ASAP1: variants seen among roughly 807,000 people sequenced by gnomAD.
ASAP1 encodes the protein arf-GAP with SH3 domain, ANK repeat and PH domain-containing protein 1.
In ASAP1, 43 loss-of-function variants were observed where a neutral mutation model predicts 145.2. That is an observed-to-expected ratio of 0.30 (90% CI 0.23 to 0.38). ASAP1 has a LOEUF of 0.38. Ranked by LOEUF, ASAP1 falls within the 10% of genes least tolerant of loss-of-function variation. The pLI is 1.00. For synonymous variants in ASAP1, 546 were observed against 515.5 expected (o/e 1.06, Z -0.80); for missense variants, 1,018 against 1,355.3 (o/e 0.75, Z 3.91).
chr8:130,288,402 C>CT (rs1180919198), intron 3 of ASAP1, among the ~76,000 whole-genome samples: 2 of 151,812 alleles, frequency 1.3e-5, no homozygotes, highest in African/African-American at 4.8e-5. Context: ...AAGAGGATAT[C>CT]TTTGAGAATA....
At chr8:130,178,771 C>T (rs1814142476) in intron 9 of ASAP1, among the ~76,000 whole-genome samples, 1 of 152,130 alleles carries the variant, frequency 6.6e-6, no homozygotes, top group South Asian at 2.1e-4. Context: ...CGCCTGTCAT[C>T]CCAACTACTG....
chr8:130,225,944 T>A (rs1321342824), intron 4 of ASAP1, among the ~76,000 whole-genome samples: 2 of 152,110 alleles, frequency 1.3e-5, no homozygotes, highest in East Asian at 3.9e-4. Flanking sequence ...CGCGGCATGG[T>A]CATAGCTTGC....
chr8:130,187,118 T>G, intron 7 of ASAP1, 118 bp downstream of exon 7: 1 of 838,062 alleles, frequency 1.2e-6, no homozygotes. Flanking sequence ...CAGGTTTTTG[T>G]TGAGAAGTTA....
intron 5 of ASAP1, among the ~76,000 whole-genome samples, chr8:130,213,823 A>T (rs183894199): frequency 8.3e-4 from 126 of 152,256 alleles, no homozygotes; most frequent in Admixed American, 1.6e-3. Context: ...GTTACCCAGA[A>T]CCTTTCTAAG....
chr8:130,229,067 TCCTCTATCAA>T (rs1475504229), intron 4 of ASAP1, among the ~76,000 whole-genome samples: 2 of 152,164 alleles, frequency 1.3e-5, no homozygotes, highest in Admixed American at 6.5e-5. Context: ...AGCAAAGTCA[TCCTCTATCAA>T]CCTCTAAATG....
chr8:130,116,118 T>C (rs1479171236), intron 22 of ASAP1, among the ~76,000 whole-genome samples: 5 of 152,202 alleles, frequency 3.3e-5, no homozygotes, highest in Non-Finnish European at 7.3e-5. Flanking sequence ...GCAGGGATAA[T>C]TGTCTCAAAG....
At chr8:130,360,964 C>T (rs191955758) in intron 2 of ASAP1, 1 of 152,890 alleles carries the variant, frequency 6.5e-6, no homozygotes, top group Non-Finnish European at 1.5e-5. Context: ...TAATTAAGCT[C>T]TCTGAGACTC....
intron 3 of ASAP1, among the ~76,000 whole-genome samples, chr8:130,300,113 TACACACACAC>T (rs373589102): frequency 0.048 from 3,528 of 72,878 alleles, 101 homozygotes; most frequent in Middle Eastern, 0.077. Context: ...AAAAGAAAAA[TACACACACAC>T]ACACACACAC....
At chr8:130,149,132 G>A (rs1286438356) in intron 13 of ASAP1, among the ~76,000 whole-genome samples, 2 of 149,762 alleles carry the variant, frequency 1.3e-5, no homozygotes, top group Non-Finnish European at 3.0e-5. Context: ...GCGGATTACA[G>A]GCATGAGCCA....
intron 2 of ASAP1, among the ~76,000 whole-genome samples, chr8:130,392,685 G>A (rs557795214): frequency 1.3e-5 from 2 of 152,294 alleles, no homozygotes; most frequent in South Asian, 4.2e-4. Flanking sequence ...TCTTGGTTCT[G>A]CAGGTTGCAC....
At chr8:130,392,785 TG>T (rs1335226015) in intron 2 of ASAP1, among the ~76,000 whole-genome samples, 1 of 150,626 alleles carries the variant, frequency 6.6e-6, no homozygotes, top group Non-Finnish European at 1.5e-5. Flanking sequence ...AGAGATCAGA[TG>T]GTGAGAGAAG....
chr8:130,110,901 G>A (rs372800715), intron 24 of ASAP1, among the ~76,000 whole-genome samples: 70 of 152,226 alleles, frequency 4.6e-4, no homozygotes, highest in African/African-American at 1.5e-3. Context: ...GTGGGAGCAC[G>A]AGCTGAGCAC....
chr8:130,143,407 G>A (rs1322510438), intron 13 of ASAP1, among the ~76,000 whole-genome samples: 1 of 125,986 alleles, frequency 7.9e-6, no homozygotes, highest in Non-Finnish European at 1.8e-5. Context: ...TGTGTGAGAT[G>A]TCTGTTTTTT....
chr8:130,265,406 A>G (rs1820180451), intron 3 of ASAP1, among the ~76,000 whole-genome samples: 1 of 151,478 alleles, frequency 6.6e-6, no homozygotes, highest in Non-Finnish European at 1.5e-5. Flanking sequence ...CCTCATCTCA[A>G]CTAAAATTTT....
At position 130,355,157 on chromosome 8, in the gene ASAP1, G is replaced by C. The variant is rs139239319; in HGVS notation, c.186+2860C>G. Among the ~76,000 whole-genome samples, 715 of 152,264 alleles carry C rather than the reference G, an allele frequency of 4.7e-3. 4 individuals are homozygous for C. The highest frequency in any genetic ancestry group is 0.041 in the Middle Eastern group (12 of 294). The stretch of plus-strand genomic sequence containing the variant: ...GCCTCCCAAAGTGCTGGGATTACAG[G>C]TATGACCCACCACGCCCAGCCTTCT... On this transcript the variant is annotated intron_variant, in intron 3 of 29. Coordinates refer to ENST00000518721, the MANE Select transcript of ASAP1 (RefSeq NM_018482.4).
At chr8:130,286,302 A>G (rs920132683) in intron 3 of ASAP1, among the ~76,000 whole-genome samples, 3 of 152,218 alleles carry the variant, frequency 2.0e-5, no homozygotes, top group African/African-American at 7.2e-5. Context: ...GAACTTACAA[A>G]GTTATTCTCA....
intron 1 of ASAP1, among the ~76,000 whole-genome samples, chr8:130,420,513 C>A (rs1829677054): frequency 6.6e-6 from 1 of 152,116 alleles, no homozygotes; most frequent in South Asian, 2.1e-4. Flanking sequence ...GAGGTGGAAA[C>A]AACCCAAAAC....
At chr8:130,259,166 T>A (rs2136953266) in intron 3 of ASAP1, among the ~76,000 whole-genome samples, 1 of 152,312 alleles carries the variant, frequency 6.6e-6, no homozygotes, top group South Asian at 2.1e-4. Context: ...AAGTGATGAC[T>A]CACTCACTAA....
At chr8:130,342,038 T>C (rs902190604) in intron 3 of ASAP1, among the ~76,000 whole-genome samples, 2 of 151,966 alleles carry the variant, frequency 1.3e-5, no homozygotes, top group Non-Finnish European at 2.9e-5. Flanking sequence ...TACCTTTGAG[T>C]GAAACATGGG....
Sources: gnomAD v4.1 joint callset for allele counts (sites outside exome capture counted in the v4.1 genomes callset) on GRCh38, gnomAD v4.1.1 for gene constraint, MANE v1.5 for transcripts, NCBI Gene and HGNC (gene_info 2026-07-23, HGNC 2026-07-21) for gene names.